The following SLF2 variants were observed in gnomAD, a reference collection of about 807,000 sequenced individuals.
SLF2 encodes the protein SMC5-SMC6 complex localization factor protein 2.
Under a neutral mutation model 124.3 loss-of-function variants are expected in SLF2, and 68 were observed. The observed-to-expected ratio is 0.55, with a 90% CI of 0.45 to 0.67. The LOEUF is 0.67. Among genes scored for constraint, SLF2 ranks in the 30% least tolerant of loss-of-function variants. The pLI is 0.00. For missense variants in SLF2, 1,246 were observed against 1,373.7 expected, an observed-to-expected ratio of 0.91 and a Z score of 1.47; for synonymous variants, 480 against 478.8, an observed-to-expected ratio of 1.00 and a Z score of -0.03.
Position 100,913,115 on chromosome 10 carries a change from C to G in SLF2, c.5C>G (p.Thr2Arg), listed in dbSNP as rs1849347027. 1 of 1,612,592 alleles carries G rather than the reference C, an allele frequency of 6.2e-7. No homozygotes were observed. Among genetic ancestry groups the G allele is most frequent in the East Asian group, 2.2e-5 (1 of 44,736 alleles). Reference protein sequence around the residue: MTRRCMPARPGF... With the variant: MRRRCMPARPGF... The stretch of plus-strand genomic sequence containing the variant: ...GCCGTCGCCAGCGGCGCCGACATGA[C>G]AAGGCGCTGCATGCCCGCTAGGCCA... Residue 2 changes from threonine to arginine, a missense_variant, in exon 1 of 20, where the codon ACA becomes AGA. Physicochemically the swap from Thr to Arg is moderately conservative, Grantham distance 71 (BLOSUM62 -1). Transcript: ENST00000238961.
chr10:100,953,555 A>T (rs1850264412), intron 17 of SLF2, among the ~76,000 whole-genome samples: 1 of 151,844 alleles, frequency 6.6e-6, no homozygotes, highest in African/African-American at 2.4e-5. Context: ...AAATTTCTTC[A>T]CAATTTACTA....
intron 4 of SLF2, among the ~76,000 whole-genome samples, chr10:100,919,877 C>T (rs574838579): frequency 1.7e-4 from 26 of 152,324 alleles, no homozygotes; most frequent in African/African-American, 6.0e-4. Flanking sequence ...AGAGTCAGTT[C>T]TAATTCCTCC....
rs774085513 is a variant in SLF2, at chr10:100,924,515, G to A, written c.1514G>A (p.Arg505His). The A allele has an allele frequency of 1.1e-5, 18 of 1,613,948 alleles. No homozygotes were observed. The highest frequency in any genetic ancestry group is 6.7e-5 in the African/African-American group (5 of 74,896). The change falls in exon 5 of 20, where the codon CGT becomes CAT. Residue 505 changes from arginine (R) to histidine (H), a missense_variant. Around this residue, in one of 3 missense-constraint regions of SLF2, gnomAD observed 698 missense variants for 708.9 expected, o/e 0.98. Transcript: ENST00000238961. ...ALPVSKKDKERSSSKECSGHS... is the reference protein window; with the variant it reads ...ALPVSKKDKEHSSSKECSGHS... ...CCAGTTTCTAAAAAAGATAAAGAGC[G>A]TTCCTCATCTAAAGAATGTTCTGGG... is the stretch of plus-strand genomic sequence containing the variant.
Position 100,938,719 on chromosome 10 carries a change from T to C in SLF2, c.2637T>C (p.Phe879=), listed in dbSNP as rs148536916. The C allele has an allele frequency of 8.7e-6, 14 of 1,612,244 alleles. No individual in the cohort carries two copies. In the African/African-American group the frequency reaches 1.2e-4, roughly 14 times the overall value. Reference sequence around the variant, plus strand: ...CCCTGGAGAATCTTCAGCCAGACTTTAATGAAGACTATCTAGTGTAAGTTT... The same window carrying C: ...CCCTGGAGAATCTTCAGCCAGACTTCAATGAAGACTATCTAGTGTAAGTTT... The part of the protein sequence containing the change: ...LFPLENLQPD[F]NEDYLVSETQ... The change falls in exon 11 of 20, where the codon TTT becomes TTC. Residue 879 remains phenylalanine, a synonymous_variant. Transcript: ENST00000238961.
In SLF2 at chr10:100,925,987, A is replaced by T; in HGVS notation, c.2010A>T (p.Glu670Asp). The T allele has an allele frequency of 1.2e-6, 2 of 1,612,332 alleles. No homozygotes were observed. The highest frequency in any genetic ancestry group is 8.5e-7 in the Non-Finnish European group (1 of 1,179,132). The change falls in exon 6 of 20, where the codon GAA becomes GAT. Residue 670 changes from glutamate (E) to aspartate (D), a missense_variant. Transcript: ENST00000238961. The part of the protein sequence containing the change: ...VHPGTYTNTL[E>D]RLVKEMEDTQ... ...CTGGAACTTACACAAATACCTTAGA[A>T]CGTCTAGTGAAGGAAATGGAAGACA...
Position 100,913,070 on chromosome 10 carries a change from C to T in SLF2, c.-41C>T. ...AAGACGGCAACCACGCACCCAACTTCTCCAGCCACGGCTCATGCCGCCGTC... is the reference window on the plus strand; with the variant it reads ...AAGACGGCAACCACGCACCCAACTTTTCCAGCCACGGCTCATGCCGCCGTC... On this transcript the variant is annotated 5_prime_UTR_variant, in exon 1 of 20. Coordinates refer to ENST00000238961, the MANE Select transcript of SLF2 (RefSeq NM_018121.4). 6.2e-7 allele frequency: 1 copy of T among 1,601,394 alleles called. No individual in the cohort carries two copies. Among genetic ancestry groups the T allele is most frequent in the Non-Finnish European group, 8.5e-7 (1 of 1,174,272 alleles).
In SLF2 at chr10:100,912,968, C is replaced by T. The variant is rs1849342315; in HGVS notation, c.-143C>T. On this transcript the variant is annotated 5_prime_UTR_variant, in exon 1 of 20. Coordinates refer to ENST00000238961, the MANE Select transcript of SLF2 (RefSeq NM_018121.4). ...TTCCCGCTCACGCCGGAGTCACTTC[C>T]GAAGAGAGAACCGCCATGAAGAGAG... 8.1e-6 allele frequency: 7 copies of T among 861,762 alleles called. No individual in the cohort carries two copies. Among genetic ancestry groups the T allele is most frequent in the South Asian group, 5.2e-5 (3 of 57,222 alleles). The allele number at this position is 861,762 out of a possible 1,614,324, so 53.4% of individuals were successfully genotyped here. A position where few individuals can be genotyped will look rare whatever the true frequency, so the allele number is the denominator to read the frequency against.
At chr10:100,938,463 A>G in intron 10 of SLF2, 132 bp from the exon 11 acceptor site, 1 of 791,058 alleles carries the variant, frequency 1.3e-6, no homozygotes, top group Non-Finnish European at 2.0e-6. Flanking sequence ...CTGTATTGTT[A>G]GCATAAAATT....
intron 14 of SLF2, among the ~76,000 whole-genome samples, chr10:100,947,417 T>C (rs951574179): frequency 2.6e-5 from 4 of 152,106 alleles, no homozygotes; most frequent in African/African-American, 9.7e-5. Context: ...GTTACCTTAA[T>C]ACAGATGACA....
intron 17 of SLF2, among the ~76,000 whole-genome samples, chr10:100,953,658 T>A (rs531728680): frequency 2.0e-5 from 3 of 151,460 alleles, no homozygotes; most frequent in Admixed American, 1.3e-4. Context: ...TAAAAAAAAA[T>A]TTTTTTTTCT....
chr10:100,917,989 A>G (rs1849451856), intron 3 of SLF2, among the ~76,000 whole-genome samples: 1 of 152,234 alleles, frequency 6.6e-6, no homozygotes, highest in South Asian at 2.1e-4. Context: ...TAGGAGGCTA[A>G]GGTGGGAGGC....
chr10:100,955,958 A>G (rs1850322878), intron 17 of SLF2, among the ~76,000 whole-genome samples: 1 of 152,080 alleles, frequency 6.6e-6, no homozygotes, highest in Non-Finnish European at 1.5e-5. Flanking sequence ...AATCCTAGCT[A>G]ATCAGGAGGC....
In SLF2 at chr10:100,944,137, G is replaced by A. The variant is rs1297023756; in HGVS notation, c.2757+9G>A. The A allele has an allele frequency of 2.0e-6, 3 of 1,522,482 alleles. No homozygotes were observed. Among genetic ancestry groups the A allele is most frequent in the South Asian group, 2.3e-5 (2 of 87,968 alleles). The allele number at this position is 1,522,482 out of a possible 1,614,324, so 94.3% of individuals were successfully genotyped here. Reference sequence around the variant, plus strand: ...TTTTAAATGTGGTTAAGGTAGGAAAGAACTTTTATGTGTCTTCTGCTCAGA... The same window carrying A: ...TTTTAAATGTGGTTAAGGTAGGAAAAAACTTTTATGTGTCTTCTGCTCAGA... On this transcript the variant is annotated intron_variant, in intron 12 of 19. Coordinates refer to ENST00000238961, the MANE Select transcript of SLF2 (RefSeq NM_018121.4).
rs146103019 is a variant in SLF2 at position 100,957,432 on chromosome 10, C to T, written c.3417+895C>T. On this transcript the variant is annotated intron_variant, in intron 18 of 19. Transcript: ENST00000238961. Reference sequence around the variant, plus strand: ...GTGGCACAAATTCGACTCACTGCAACCCCCGCCTTCCAGGTTCAAGCGATT... The same window carrying T: ...GTGGCACAAATTCGACTCACTGCAATCCCCGCCTTCCAGGTTCAAGCGATT... Among the ~76,000 whole-genome samples the T allele has an allele frequency of 7.8e-4, 116 of 148,574 alleles. 1 individual carries two copies. In the East Asian group the frequency reaches 0.018, roughly 24 times the overall value.
chr10:100,918,895 A>C (rs1849473078), intron 4 of SLF2, among the ~76,000 whole-genome samples: 1 of 151,210 alleles, frequency 6.6e-6, no homozygotes, highest in South Asian at 2.1e-4. Flanking sequence ...TATAATTTGT[A>C]ATCTGTCTTG....
At chr10:100,941,165 C>T (rs1849968701) in intron 11 of SLF2, among the ~76,000 whole-genome samples, 1 of 152,018 alleles carries the variant, frequency 6.6e-6, no homozygotes, top group Admixed American at 6.6e-5. Context: ...TTAACCAGGA[C>T]TCACAGCTTA....
At chr10:100,940,339 T>C (rs1380092936) in intron 11 of SLF2, among the ~76,000 whole-genome samples, 1 of 152,144 alleles carries the variant, frequency 6.6e-6, no homozygotes, top group Non-Finnish European at 1.5e-5. Context: ...TTAAACAACA[T>C]GAGCATGAGT....
At chr10:100,958,064 T>G (rs1462898805) in intron 18 of SLF2, among the ~76,000 whole-genome samples, 1 of 152,026 alleles carries the variant, frequency 6.6e-6, no homozygotes, top group Non-Finnish European at 1.5e-5. Flanking sequence ...ATAATAATAA[T>G]AAATAAAACA....
intron 10 of SLF2, among the ~76,000 whole-genome samples, chr10:100,938,321 G>GTAT (rs1849905077): frequency 6.6e-6 from 1 of 152,152 alleles, no homozygotes; most frequent in Admixed American, 6.5e-5. Flanking sequence ...TTTATCAGTG[G>GTAT]TATTTCCAGC....
Sources: allele counts gnomAD v4.1 joint callset (sites outside exome capture counted in the v4.1 genomes callset), GRCh38; gene constraint gnomAD v4.1.1; regional missense constraint gnomAD v4.1.1; transcripts MANE v1.5; gene names NCBI Gene and HGNC (gene_info 2026-07-23, HGNC 2026-07-21).